Variants in MECR observed in about 807,000 individuals in gnomAD.
MECR encodes the protein enoyl-[acyl-carrier-protein] reductase, mitochondrial.
A neutral mutation model predicts 49.1 loss-of-function variants in MECR; 37 were observed. The ratio of observed to expected loss-of-function variants is 0.75; its 90% CI spans 0.58 to 0.99. The LOEUF (loss-of-function observed/expected upper bound fraction) is 0.99. Among genes scored for constraint, MECR ranks in the 50% least tolerant of loss-of-function variants. MECR has a pLI of 0.00. For missense variants in MECR, 470 were observed against 479.6 expected (o/e 0.98, Z 0.19); for synonymous variants, 198 against 191.1 (o/e 1.04, Z -0.30).
chr1:29,177,210 G>C, the MECR span, among the ~76,000 whole-genome samples: 2 of 151,644 alleles, frequency 1.3e-5, no homozygotes, highest in Non-Finnish European at 2.9e-5. Flanking sequence ...ATAAACAAGT[G>C]CTGCTAATAT....
At chr1:29,172,751 G>A in the MECR span, 3 of 152,244 alleles carry the variant, frequency 2.0e-5, no homozygotes. Context: ...TGTGACACAT[G>A]AATTTTATTT....
chr1:29,185,812 T>C, the MECR span, among the ~76,000 whole-genome samples: 1 of 152,174 alleles, frequency 6.6e-6, no homozygotes, highest in Non-Finnish European at 1.5e-5. Context: ...AACCCGTCTC[T>C]GCAGAAAAAA....
intron 3 of MECR, among the ~76,000 whole-genome samples, chr1:29,208,919 A>G (rs907368967): frequency 2.0e-5 from 3 of 152,214 alleles, no homozygotes; most frequent in African/African-American, 7.2e-5. Context: ...GAGTGAAAGG[A>G]TAGAGGTGCT....
the MECR span, chr1:29,169,241 A>T: frequency 1.3e-5 from 2 of 152,172 alleles, no homozygotes; most frequent in Non-Finnish European, 2.9e-5. Context: ...GACTATCCCA[A>T]AGACCTGGGA....
At chr1:29,226,424 CCTTCT>C (rs1021586909) in intron 1 of MECR, among the ~76,000 whole-genome samples, 1 of 152,156 alleles carries the variant, frequency 6.6e-6, no homozygotes, top group African/African-American at 2.4e-5. Context: ...TACAATTTCA[CCTTCT>C]CTTCTGACCT....
At chr1:29,211,815 T>G (rs905167699) in intron 3 of MECR, among the ~76,000 whole-genome samples, 9 of 152,192 alleles carry the variant, frequency 5.9e-5, no homozygotes, top group African/African-American at 1.9e-4. Flanking sequence ...ATCCACACCA[T>G]CTGGTCTGGT....
chr1:29,177,611 G>A, the MECR span, among the ~76,000 whole-genome samples: 23 of 151,672 alleles, frequency 1.5e-4, no homozygotes, highest in African/African-American at 4.4e-4. Flanking sequence ...TTTATGGGGC[G>A]GGTAGAAAAG....
At position 29,194,043 on chromosome 1, in the gene MECR, T is replaced by C; in HGVS notation, c.1101A>G (p.Ser367=). 6 of 1,614,104 alleles carry C rather than the reference T, an allele frequency of 3.7e-6. No individual in the cohort carries two copies. The highest frequency in any genetic ancestry group is 1.1e-5 in the South Asian group (1 of 91,086). The stretch of plus-strand genomic sequence containing the variant: ...ATGATCACATGGTGAGAATCTGCTT[T>C]GAAGATATGAAGGGCTTCATGGAGG... The part of the protein sequence containing the change: ...LEASMKPFIS[S]KQILTM The change falls in exon 10 of 10, where the codon TCA becomes TCG. Residue 367 remains serine (S), a synonymous_variant. Coordinates refer to ENST00000263702, the MANE Select transcript of MECR (RefSeq NM_016011.5).
chr1:29,215,710 A>G (rs1462771983), intron 3 of MECR, among the ~76,000 whole-genome samples: 1 of 151,142 alleles, frequency 6.6e-6, no homozygotes, highest in East Asian at 1.9e-4. Context: ...ATCTCTACTA[A>G]CAATACAAAA....
intron 4 of MECR, among the ~76,000 whole-genome samples, chr1:29,206,093 C>T (rs1396243334): frequency 1.3e-5 from 2 of 152,226 alleles, no homozygotes; most frequent in Admixed American, 1.3e-4. Context: ...ATATAAGCAG[C>T]GGACAGTCTC....
intron 7 of MECR, 23 bp from the exon 8 acceptor site, chr1:29,196,281 A>C: frequency 6.2e-7 from 1 of 1,600,604 alleles, no homozygotes; most frequent in Non-Finnish European, 8.5e-7. Flanking sequence ...AAGAGAACAA[A>C]GAGTGGATGC....
intron 3 of MECR, among the ~76,000 whole-genome samples, chr1:29,214,054 C>A (rs1197078301): frequency 6.6e-6 from 1 of 150,540 alleles, no homozygotes; most frequent in East Asian, 1.9e-4. Flanking sequence ...TTCCACAAAT[C>A]AACTTTCTTT....
Position 29,225,180 on chromosome 1 carries a change from G to C in MECR, c.176+5551C>G, listed in dbSNP as rs1263842757. Among the ~76,000 whole-genome samples, 4 of 152,206 alleles carry C rather than the reference G, an allele frequency of 2.6e-5. No homozygotes were observed. The East Asian group carries it at 7.7e-4, about 29-fold the overall frequency. On this transcript the variant is annotated intron_variant, in intron 1 of 9. Transcript: ENST00000263702. The stretch of plus-strand genomic sequence containing the variant: ...CTTAAGCTTGAGCCCTGTGATCTAA[G>C]GGTAGTCCCCTCTGAGCTGGTTTCA...
At chr1:29,202,103 C>T (rs915542277) in intron 5 of MECR, 58 bp from the exon 6 acceptor site, 16 of 1,425,668 alleles carry the variant, frequency 1.1e-5, no homozygotes, top group Non-Finnish European at 1.3e-5. Context: ...CCAAAGCCCC[C>T]CAGGACCTCT....
intron 1 of MECR, chr1:29,228,955 G>A (rs1040348407): frequency 1.3e-5 from 2 of 152,150 alleles, no homozygotes; most frequent in Non-Finnish European, 2.9e-5. Flanking sequence ...TCTCATTTGG[G>A]GTACATTCCT....
chr1:29,189,698 C>A (rs750059974), downstream of MECR, among the ~76,000 whole-genome samples: 6 of 152,032 alleles, frequency 3.9e-5, no homozygotes, highest in Non-Finnish European at 5.9e-5. Context: ...AAATTCAGAA[C>A]CTGGGAGTCT....
Position 29,215,990 on chromosome 1 carries a change from C to A in MECR, c.406+15G>T, listed in dbSNP as rs905609143. ...TGGAAGAACGAATAGGCAGCTGACA[C>A]CTGGAGAAACTCACCTAAACCAGCA... On this transcript the variant is annotated intron_variant, in intron 3 of 9. Coordinates refer to ENST00000263702, the MANE Select transcript of MECR (RefSeq NM_016011.5). 1 of 1,613,472 alleles carries A rather than the reference C, an allele frequency of 6.2e-7. No homozygotes were observed. Among genetic ancestry groups the A allele is most frequent in the Non-Finnish European group, 8.5e-7 (1 of 1,179,626 alleles).
downstream of MECR, among the ~76,000 whole-genome samples, chr1:29,189,885 CT>C (rs36029965): frequency 6.6e-6 from 1 of 152,288 alleles, no homozygotes; most frequent in East Asian, 1.9e-4. Flanking sequence ...CCACGATTCC[CT>C]TTTTCGGCTT....
rs183919945 is a variant in MECR, at chr1:29,205,554, G to T, written c.550+1208C>A. Reference sequence around the variant, plus strand: ...CCAGCAAGACTGAGCAGGCCGGCTGGGGGTGGGTGGCTCGCGCCTGTAATC... The same window carrying T: ...CCAGCAAGACTGAGCAGGCCGGCTGTGGGTGGGTGGCTCGCGCCTGTAATC... On this transcript the variant is annotated intron_variant, in intron 4 of 9. Transcript: ENST00000263702. Among the ~76,000 whole-genome samples, 28 of 151,980 alleles carry T rather than the reference G, an allele frequency of 1.8e-4. No individual in the cohort carries two copies. In the East Asian group the frequency reaches 3.9e-3, roughly 21 times the overall value.
Sources: gnomAD v4.1 joint callset for allele counts (sites outside exome capture counted in the v4.1 genomes callset) on GRCh38, gnomAD v4.1.1 for gene constraint, MANE v1.5 for transcripts, NCBI Gene and HGNC (gene_info 2026-07-23, HGNC 2026-07-21) for gene names.